Variants in BCORL1 observed in about 807,000 individuals in gnomAD.
BCORL1 encodes BCL-6 corepressor-like protein 1.
BCORL1 carries 7 observed loss-of-function variants against 87.6 expected under a neutral mutation model. The observed-to-expected ratio is 0.08, with a 90% CI of 0.05 to 0.15. The LOEUF (loss-of-function observed/expected upper bound fraction) is 0.15, where lower values mean the gene tolerates loss of function less well. Among genes scored for constraint, BCORL1 ranks in the 10% least tolerant of loss-of-function variants. The probability of loss-of-function intolerance (pLI) is 1.00; values close to 1 mark genes in which losing one functional copy is unlikely to be tolerated. For missense variants in BCORL1, 1,215 were observed against 1,499.7 expected (o/e 0.81, Z 3.13); for synonymous variants, 591 against 634.4 (o/e 0.93, Z 1.03).
chrX:130,044,111 G>T (rs1412550982), intron 11 of BCORL1, among the ~76,000 whole-genome samples: 6 of 106,760 alleles, frequency 5.6e-5, no homozygotes, highest in Non-Finnish European at 9.7e-5. Flanking sequence ...CACCATGTTG[G>T]CCAGGATGGT....
chrX:130,015,486 A>G lies in BCORL1; in HGVS notation c.2714A>G (p.Asn905Ser), dbSNP rs760935379. Residue 905 changes from asparagine to serine, a missense_variant, in exon 4 of 14, where the codon AAC (asparagine) becomes AGC (serine). By Grantham distance (46) the Asn-to-Ser change is conservative. This residue lies in a region of BCORL1 where 861 missense variants were observed against 1,010.0 expected (regional missense o/e 0.85). Transcript: ENST00000540052. ...CCAGAGCAGGACCCTGTTACAAAGA[A>G]CAAAACTTGCCGGATTGCTGCCAAG... ...FVPEQDPVTKNKTCRIAAKPY... is the reference protein window; with the variant it reads ...FVPEQDPVTKSKTCRIAAKPY... 1 of 1,212,237 alleles carries G rather than the reference A, an allele frequency of 8.2e-7. No homozygotes were observed.
chrX:130,053,859 A>G (rs1195123543), intron 13 of BCORL1, among the ~76,000 whole-genome samples: 1 of 111,953 alleles, frequency 8.9e-6, no homozygotes, highest in South Asian at 3.7e-4. Context: ...GCTTTTTTCC[A>G]TTCTTTGGAA....
At chrX:130,012,556 C>T (rs1285815246) in intron 2 of BCORL1, 22 bp from the exon 3 acceptor site, 12 of 1,184,227 alleles carry the variant, frequency 1.0e-5, no homozygotes, top group Non-Finnish European at 1.4e-5. Context: ...TGTCCCTTCT[C>T]TGGTTGTATC....
chrX:130,004,241 G>GTTTTT (rs1189082044), intron 1 of BCORL1, among the ~76,000 whole-genome samples: 1,814 of 85,531 alleles, frequency 0.021, 75 homozygotes, highest in African/African-American at 0.081. Context: ...GAAATGTGTG[G>GTTTTT]TTTTTTTTTT....
chrX:129,997,986 C>CATATATATAT (rs754498901), intron 1 of BCORL1, among the ~76,000 whole-genome samples: 18 of 96,041 alleles, frequency 1.9e-4, no homozygotes, highest in African/African-American at 6.6e-4. Flanking sequence ...TGAAGTTTTA[C>CATATATATAT]ATATATATAT....
intron 11 of BCORL1, among the ~76,000 whole-genome samples, chrX:130,047,168 G>T (rs113380237): frequency 8.9e-6 from 1 of 111,862 alleles, no homozygotes; most frequent in African/African-American, 3.2e-5. Flanking sequence ...CCTTTTGGCT[G>T]TTCTGAATGG....
chrX:130,015,200 C>A lies in BCORL1; in HGVS notation c.2428C>A (p.Pro810Thr). The change falls in exon 4 of 14, where the codon CCG (proline) becomes ACG (threonine). Residue 810 changes from proline to threonine, a missense_variant. By Grantham distance (38) the Pro-to-Thr change is conservative. Transcript: ENST00000540052. ...ACTCTCTTTGTGGAAACCCACGGGG[C>A]CGGCAAATATTTATCCCCGGTGTTC... ...KELSLWKPTGPANIYPRCSVN... is the reference protein window; with the variant it reads ...KELSLWKPTGTANIYPRCSVN... 8.2e-7 allele frequency: 1 copy of A among 1,212,155 alleles called. No individual in the cohort carries two copies.
intron 1 of BCORL1, among the ~76,000 whole-genome samples, chrX:129,993,596 G>A (rs1927341326): frequency 9.0e-6 from 1 of 111,009 alleles, no homozygotes; most frequent in Non-Finnish European, 1.9e-5. Flanking sequence ...GCTGAGGTAG[G>A]AGGATTGCTT....
At chrX:129,998,284 A>G (rs1302743712) in intron 1 of BCORL1, among the ~76,000 whole-genome samples, 1 of 104,687 alleles carries the variant, frequency 9.6e-6, no homozygotes, top group Non-Finnish European at 1.9e-5. Flanking sequence ...TGGGATTACC[A>G]GGTTTCTTCC....
At chrX:130,002,780 T>A (rs1471090859) in intron 1 of BCORL1, among the ~76,000 whole-genome samples, 1 of 82,637 alleles carries the variant, frequency 1.2e-5, no homozygotes, top group African/African-American at 4.8e-5. Flanking sequence ...GGAGGAAGAG[T>A]AAAGAGAGAG....
At position 130,014,490 on chromosome X, in the gene BCORL1, G is replaced by A. The variant is rs777232033; in HGVS notation, c.1718G>A (p.Gly573Glu). The A allele has an allele frequency of 8.3e-7, 1 of 1,211,435 alleles. No individual in the cohort carries two copies. Among genetic ancestry groups the A allele is most frequent in the South Asian group, 1.8e-5 (1 of 56,958 alleles). The change falls in exon 4 of 14, where the codon GGG becomes GAG. Residue 573 changes from glycine to glutamate, a missense_variant. Physicochemically the swap from Gly to Glu is moderately conservative, Grantham distance 98 (BLOSUM62 -2). This residue lies in a region of BCORL1 where 861 missense variants were observed against 1,010.0 expected (regional missense o/e 0.85). Transcript: ENST00000540052. Reference protein sequence around the residue: ...TPQPLLPAPSGSSAPPHPAKM... With the variant: ...TPQPLLPAPSESSAPPHPAKM... ...CAGCCTCTGCTGCCAGCCCCCAGTG[G>A]GAGCTCAGCCCCACCGCACCCCGCC...
intron 1 of BCORL1, among the ~76,000 whole-genome samples, chrX:129,989,609 C>T (rs1394425001): frequency 3.0e-5 from 3 of 99,350 alleles, no homozygotes; most frequent in Non-Finnish European, 6.1e-5. Flanking sequence ...TGGGATTAAA[C>T]GTGCCCACCA....
intron 1 of BCORL1, among the ~76,000 whole-genome samples, chrX:130,001,896 T>C (rs61379569): frequency 0.098 from 10,764 of 109,912 alleles, 1,343 homozygotes; most frequent in African/African-American, 0.34. Context: ...CTTTAGAAGA[T>C]GAATTGATTG....
At chrX:129,991,886 G>A (rs1378548628) in intron 1 of BCORL1, among the ~76,000 whole-genome samples, 2 of 96,909 alleles carry the variant, frequency 2.1e-5, no homozygotes, top group African/African-American at 7.6e-5. Flanking sequence ...GGTTGGTCTC[G>A]AACCCCTGAC....
intron 5 of BCORL1, chrX:130,021,399 C>T (rs78332196): frequency 2.3e-6 from 1 of 442,512 alleles, no homozygotes; most frequent in South Asian, 1.2e-4. Flanking sequence ...AAACACCAGG[C>T]CCACAACACA....
chrX:130,023,068 TGTCGA>T, intron 6 of BCORL1, 91 bp downstream of exon 6: 1 of 805,785 alleles, frequency 1.2e-6, no homozygotes, highest in Admixed American at 2.3e-5. Flanking sequence ...TGGGCCCAGG[TGTCGA>T]GTTGGGAATT....
chrX:129,991,204 TCTC>T (rs1442561330), intron 1 of BCORL1, among the ~76,000 whole-genome samples: 2 of 111,482 alleles, frequency 1.8e-5, no homozygotes, highest in Non-Finnish European at 3.8e-5. Flanking sequence ...GCAACCTCCT[TCTC>T]CTTGTTTCAA....
At chrX:129,987,448 G>A (rs1267519602) in intron 1 of BCORL1, among the ~76,000 whole-genome samples, 1 of 112,064 alleles carries the variant, frequency 8.9e-6, no homozygotes, top group African/African-American at 3.2e-5. Context: ...AGGAAGCAGA[G>A]GTTAGCTGGG....
At position 130,014,975 on chromosome X, in the gene BCORL1, A is replaced by G. The variant is rs772947689; in HGVS notation, c.2203A>G (p.Asn735Asp). ...ATCCCTGCTGCTGAACAAAGACCCC[A>G]ACCTGGGCCTCAACCGTGACCCCCG... ...PASLLLNKDP[N>D]LGLNRDPRHL... is the part of the protein sequence containing the mutation. The change falls in exon 4 of 14, where the codon AAC becomes GAC. Residue 735 changes from asparagine to aspartate, a missense_variant. Asn to Asp is a conservative substitution (Grantham distance 23). Coordinates refer to ENST00000540052, the MANE Select transcript of BCORL1 (RefSeq NM_001379451.1). 1 of 1,211,444 alleles carries G rather than the reference A, an allele frequency of 8.3e-7. No individual in the cohort carries two copies. Among genetic ancestry groups the G allele is most frequent in the Non-Finnish European group, 1.1e-6 (1 of 895,401 alleles).
Sources: gnomAD v4.1 joint callset for allele counts (sites outside exome capture counted in the v4.1 genomes callset) on GRCh38, gnomAD v4.1.1 for gene constraint, gnomAD v4.1.1 regional missense constraint, MANE v1.5 for transcripts, NCBI Gene and HGNC (gene_info 2026-07-23, HGNC 2026-07-21) for gene names.